Variants in C5orf58 observed in about 807,000 individuals in gnomAD.
The protein encoded by C5orf58 is chromosome 5 open reading frame 58.
A neutral mutation model predicts 2.9 loss-of-function variants in C5orf58; 2 were observed. The observed-to-expected ratio is 0.69, with a 90% CI of 0.28 to 2.18. The LOEUF (loss-of-function observed/expected upper bound fraction) is 2.18. Ranked by LOEUF, C5orf58 falls within the 30% of genes most tolerant of loss-of-function variation. The probability of loss-of-function intolerance (pLI) is 0.13; values close to 1 mark genes in which losing one functional copy is unlikely to be tolerated. For missense variants in C5orf58, 96 were observed against 91.7 expected, an observed-to-expected ratio of 1.05 and a Z score of -0.19; for synonymous variants, 37 against 33.4, an observed-to-expected ratio of 1.11 and a Z score of -0.37.
At chr5:170,244,781 G>A (rs1435961831) in intron 3 of C5orf58, among the ~76,000 whole-genome samples, 4 of 151,812 alleles carry the variant, frequency 2.6e-5, no homozygotes, top group African/African-American at 2.4e-5. Flanking sequence ...CTCTCAGCTC[G>A]TCAAAGTCAT....
chr5:170,234,988 G>A lies in C5orf58; in HGVS notation c.12G>A (p.Lys4=). The A allele has an allele frequency of 6.6e-7, 1 of 1,508,614 alleles. No homozygotes were observed. The highest frequency in any genetic ancestry group is 1.2e-5 in the South Asian group (1 of 84,112). 93.5% of individuals were successfully genotyped at this position (1,508,614 alleles called of 1,614,324 possible). A position where few individuals can be genotyped will look rare whatever the true frequency, so the allele number is the denominator to read the frequency against. Residue 4 remains lysine, a synonymous_variant, in exon 3 of 4, where the codon AAG becomes AAA. Coordinates refer to ENST00000593851, the MANE Select transcript of C5orf58 (RefSeq NM_001102609.3). MGK[K]RVTDHKLNVD... The stretch of plus-strand genomic sequence containing the variant: ...TCTTTTAAAATCAGATGGGTAAGAA[G>A]CGTGTTACTGATCATAAGCTAAATG...
chr5:170,251,448 T>G, intron 2 of C5orf58: 1 of 232,968 alleles, frequency 4.3e-6, no homozygotes, highest in Non-Finnish European at 9.0e-6. Context: ...TAAACTACTG[T>G]TTTGATTGTC....
chr5:170,250,121 T>TA (rs1481449126), downstream of C5orf58, among the ~76,000 whole-genome samples: 5 of 152,222 alleles, frequency 3.3e-5, no homozygotes, highest in African/African-American at 1.2e-4. Flanking sequence ...ACTTTGAACT[T>TA]AGAGTATGTT....
intron 1 of C5orf58, 123 bp from the exon 2 acceptor site, chr5:170,233,992 C>T: frequency 2.3e-6 from 1 of 441,132 alleles, no homozygotes; most frequent in Non-Finnish European, 4.3e-6. Flanking sequence ...TATCATCTTT[C>T]TTTTTCCCTG....
At chr5:170,241,451 C>T (rs1384369609) in intron 3 of C5orf58, among the ~76,000 whole-genome samples, 1 of 145,654 alleles carries the variant, frequency 6.9e-6, no homozygotes, top group Non-Finnish European at 1.5e-5. Context: ...CTTTTATTTC[C>T]TTGAGCAGTG....
chr5:170,249,506 GT>G (rs957174644), downstream of C5orf58, among the ~76,000 whole-genome samples: 14 of 151,676 alleles, frequency 9.2e-5, no homozygotes, highest in Non-Finnish European at 1.9e-4. Flanking sequence ...TTTGGTTTTG[GT>G]TTTGGTTTCT....
chr5:170,245,538 A>G (rs1183231381), intron 3 of C5orf58, among the ~76,000 whole-genome samples: 1 of 152,168 alleles, frequency 6.6e-6, no homozygotes, highest in Non-Finnish European at 1.5e-5. Context: ...CCGATTTTCC[A>G]GGTGCGTCCG....
At chr5:170,233,069 G>T in intron 1 of C5orf58, 62 bp downstream of exon 1, 1 of 778,368 alleles carries the variant, frequency 1.3e-6, no homozygotes, top group Non-Finnish European at 1.6e-6. Flanking sequence ...GGTGAAGACC[G>T]CTGAAATTTC....
chr5:170,251,408 CTCTTT>C (rs1332368750), intron 2 of C5orf58: 6 of 214,156 alleles, frequency 2.8e-5, no homozygotes, highest in East Asian at 1.1e-4. Context: ...TGCAGATGTT[CTCTTT>C]TCTTTTCTTT....
chr5:170,249,364 A>G (rs187650318), downstream of C5orf58, among the ~76,000 whole-genome samples: 563 of 114,220 alleles, frequency 4.9e-3, 6 homozygotes, highest in African/African-American at 0.015. Context: ...ATGCGTGTGT[A>G]TATATATATA....
downstream of C5orf58, chr5:170,252,333 C>A: frequency 1.6e-6 from 1 of 642,530 alleles, no homozygotes; most frequent in South Asian, 2.0e-5. Context: ...GCAACAGCAC[C>A]TAGCAGAATT....
At chr5:170,243,537 CTTCT>C (rs1368225512) in intron 3 of C5orf58, among the ~76,000 whole-genome samples, 1 of 151,980 alleles carries the variant, frequency 6.6e-6, no homozygotes, top group Non-Finnish European at 1.5e-5. Context: ...ATGTAATGGC[CTTCT>C]TTGTCTCTTT....
downstream of C5orf58, chr5:170,250,909 T>C: frequency 6.2e-7 from 1 of 1,606,638 alleles, no homozygotes; most frequent in Non-Finnish European, 8.5e-7. Flanking sequence ...TTCCTGTTAT[T>C]ATGGGAGCAG....
At chr5:170,243,437 A>G (rs976598311) in intron 3 of C5orf58, among the ~76,000 whole-genome samples, 4 of 146,640 alleles carry the variant, frequency 2.7e-5, no homozygotes, top group Non-Finnish European at 6.0e-5. Context: ...GTCACTCAGG[A>G]CTTGCTTTAT....
downstream of C5orf58, among the ~76,000 whole-genome samples, chr5:170,250,477 A>G (rs1469654761): frequency 6.6e-6 from 1 of 152,214 alleles, no homozygotes; most frequent in African/African-American, 2.4e-5. Context: ...TTAAGTTAAC[A>G]TAGTTTTTCT....
downstream of C5orf58, chr5:170,248,607 G>C: frequency 7.0e-7 from 1 of 1,422,252 alleles, no homozygotes; most frequent in East Asian, 2.3e-5. Context: ...GTTCAGTTCA[G>C]TCCTAAGTGT....
At chr5:170,240,260 G>T (rs1301222104) in intron 3 of C5orf58, among the ~76,000 whole-genome samples, 1 of 149,298 alleles carries the variant, frequency 6.7e-6, no homozygotes, top group African/African-American at 2.5e-5. Context: ...CTTTATAGCA[G>T]CATGATTTAT....
chr5:170,243,392 A>G (rs1761107094), intron 3 of C5orf58, among the ~76,000 whole-genome samples: 1 of 130,764 alleles, frequency 7.6e-6, no homozygotes, highest in Non-Finnish European at 1.7e-5. Context: ...AAAGTCTCCC[A>G]TTATTAATGT....
Position 170,235,051 on chromosome 5 carries a change from G to T in C5orf58, c.75G>T (p.Ser25=). The change falls in exon 3 of 4, where the codon TCG becomes TCT. Residue 25 remains serine (S), a synonymous_variant. Coordinates refer to ENST00000593851, the MANE Select transcript of C5orf58 (RefSeq NM_001102609.3). ...KVIKNINTIS[S]ELKKIKELSQ... is the part of the protein sequence containing the mutation. ...TTAAAAATATTAACACAATTTCTTC[G>T]GAGTTGAAGAAGATAAAAGGTAAGT... 1 of 1,495,238 alleles carries T rather than the reference G, an allele frequency of 6.7e-7. No individual in the cohort carries two copies. The highest frequency in any genetic ancestry group is 2.3e-5 in the East Asian group (1 of 43,052). The allele number at this position is 1,495,238 out of a possible 1,614,324, so 92.6% of individuals were successfully genotyped here.
Sources: allele counts gnomAD v4.1 joint callset (sites outside exome capture counted in the v4.1 genomes callset), GRCh38; gene constraint gnomAD v4.1.1; transcripts MANE v1.5; gene names NCBI Gene and HGNC (gene_info 2026-07-23, HGNC 2026-07-21).